Variants in SLC5A1 observed in about 807,000 individuals in gnomAD.
The protein encoded by SLC5A1 is solute carrier family 5 member 1.
In SLC5A1, 42 loss-of-function variants were observed where a neutral mutation model predicts 73.5. The ratio of observed to expected loss-of-function variants is 0.57; its 90% CI spans 0.45 to 0.74. The LOEUF (loss-of-function observed/expected upper bound fraction) is 0.74, where lower values mean the gene tolerates loss of function less well. Ranked by LOEUF, SLC5A1 falls within the 30% of genes least tolerant of loss-of-function variation. The pLI, the probability that SLC5A1 is intolerant of heterozygous loss-of-function variation, is 0.00. For synonymous variants in SLC5A1, 300 were observed against 317.4 expected, an observed-to-expected ratio of 0.95 and a Z score of 0.58; for missense variants, 634 against 855.4, an observed-to-expected ratio of 0.74 and a Z score of 3.23.
intron 2 of SLC5A1, among the ~76,000 whole-genome samples, chr22:32,051,512 T>G (rs541908686): frequency 3.3e-5 from 5 of 152,124 alleles, no homozygotes; most frequent in African/African-American, 1.2e-4. Flanking sequence ...AAAAACTAGC[T>G]GGGCGTGGTG....
At chr22:32,073,230 GC>G (rs1223806160) in intron 5 of SLC5A1, among the ~76,000 whole-genome samples, 1 of 152,176 alleles carries the variant, frequency 6.6e-6, no homozygotes, top group African/African-American at 2.4e-5. Flanking sequence ...ATGGCCATGT[GC>G]CACCATGCCC....
Position 32,083,516 on chromosome 22 carries a change from C to T in SLC5A1, c.664+362C>T, listed in dbSNP as rs148031026. Among the ~76,000 whole-genome samples the T allele has an allele frequency of 3.9e-5, 6 of 152,298 alleles. No individual in the cohort carries two copies. In the East Asian group the frequency reaches 7.7e-4, roughly 20 times the overall value. On this transcript the variant is annotated intron_variant, in intron 7 of 14. Transcript: ENST00000266088. Reference sequence around the variant, plus strand: ...TCAAGCTAAATCTAGTCAAATGTTGCGTCTTCCATCTTAGGCTATATCTTA... The same window carrying T: ...TCAAGCTAAATCTAGTCAAATGTTGTGTCTTCCATCTTAGGCTATATCTTA...
At chr22:32,053,296 A>AT (rs1215702819) in intron 2 of SLC5A1, among the ~76,000 whole-genome samples, 1 of 151,014 alleles carries the variant, frequency 6.6e-6, no homozygotes, top group Non-Finnish European at 1.5e-5. Flanking sequence ...CCTATTACTC[A>AT]TTCTCCTTTT....
intron 14 of SLC5A1, among the ~76,000 whole-genome samples, chr22:32,105,425 C>T (rs2094043925): frequency 6.6e-6 from 1 of 151,768 alleles, no homozygotes; most frequent in Admixed American, 6.6e-5. Context: ...TCCTGAGTAG[C>T]TGGGAATACA....
intron 5 of SLC5A1, among the ~76,000 whole-genome samples, chr22:32,072,955 C>T (rs1356358839): frequency 6.6e-6 from 1 of 152,152 alleles, no homozygotes; most frequent in Non-Finnish European, 1.5e-5. Flanking sequence ...AGATATATGA[C>T]TTGCAAAAAT....
At chr22:32,097,938 A>G (rs1406595689) in intron 11 of SLC5A1, among the ~76,000 whole-genome samples, 1 of 152,260 alleles carries the variant, frequency 6.6e-6, no homozygotes, top group Admixed American at 6.5e-5. Flanking sequence ...AACAGCCAAA[A>G]GACTAACAAA....
intron 5 of SLC5A1, among the ~76,000 whole-genome samples, chr22:32,080,329 C>T (rs1041064085): frequency 2.6e-5 from 4 of 152,074 alleles, no homozygotes; most frequent in Non-Finnish European, 4.4e-5. Context: ...GGAAGGAGGT[C>T]GAATCACCCT....
intron 14 of SLC5A1, among the ~76,000 whole-genome samples, chr22:32,106,486 T>C (rs1436895100): frequency 6.6e-6 from 1 of 152,144 alleles, no homozygotes; most frequent in Non-Finnish European, 1.5e-5. Flanking sequence ...ATTTGAGGAA[T>C]GGCCAGGGAT....
rs1414100767 is a variant in SLC5A1, at chr22:32,112,866, G to A, written c.*2653G>A. 1 of 152,156 alleles carries A rather than the reference G, an allele frequency of 6.6e-6. No homozygotes were observed. The highest frequency in any genetic ancestry group is 2.4e-5 in the African/African-American group (1 of 41,426). 9.4% of individuals were successfully genotyped at this position (152,156 alleles called of 1,614,324 possible). The stretch of plus-strand genomic sequence containing the variant: ...AACATATACTTGAAAATTGCTGAGA[G>A]TAGTGTGAGTGTTCTACCACAAAAA... On this transcript the variant is annotated 3_prime_UTR_variant, in exon 15 of 15. Transcript: ENST00000266088.
chr22:32,060,630 G>C (rs950897647), intron 2 of SLC5A1, among the ~76,000 whole-genome samples: 1 of 152,132 alleles, frequency 6.6e-6, no homozygotes, highest in African/African-American at 2.4e-5. Context: ...CAGTGCAGCA[G>C]CATGATTACA....
chr22:32,086,392 C>T, intron 10 of SLC5A1, 65 bp downstream of exon 10: 1 of 1,053,350 alleles, frequency 9.5e-7, no homozygotes, highest in South Asian at 1.3e-5. Flanking sequence ...TTAGGCACCA[C>T]CTACATTCCT....
intron 5 of SLC5A1, among the ~76,000 whole-genome samples, chr22:32,074,503 CT>C (rs769378529): frequency 6.2e-4 from 94 of 152,246 alleles, no homozygotes; most frequent in Non-Finnish European, 1.2e-3. Context: ...CTCACGTTCC[CT>C]TTCTCTTCTT....
In SLC5A1 at chr22:32,073,992, G is replaced by A. The variant is rs557529003; in HGVS notation, c.477+5392G>A. Among the ~76,000 whole-genome samples, 17 of 152,300 alleles carry A rather than the reference G, an allele frequency of 1.1e-4. No homozygotes were observed. The South Asian group carries it at 3.5e-3, about 32-fold the overall frequency. On this transcript the variant is annotated intron_variant, in intron 5 of 14. Transcript: ENST00000266088. The stretch of plus-strand genomic sequence containing the variant: ...AATCGGGCTTTGGCTTCCTGAGAAA[G>A]GGCAGTGTGTCTGTCTAAGAAGAGA...
chr22:32,086,709 T>C (rs2094008982), intron 10 of SLC5A1, among the ~76,000 whole-genome samples: 1 of 152,120 alleles, frequency 6.6e-6, no homozygotes, highest in Non-Finnish European at 1.5e-5. Context: ...AAATTAAAAA[T>C]AGAACTACCA....
intron 10 of SLC5A1, among the ~76,000 whole-genome samples, chr22:32,090,299 C>T (rs2094015063): frequency 6.6e-6 from 1 of 152,026 alleles, no homozygotes; most frequent in African/African-American, 2.4e-5. Flanking sequence ...GCAGTCTCTC[C>T]CTATTTCACC....
chr22:32,056,789 C>A (rs16989809), intron 2 of SLC5A1, among the ~76,000 whole-genome samples: 1,792 of 152,286 alleles, frequency 0.012, 51 homozygotes, highest in African/African-American at 0.041. Flanking sequence ...CTGAAATTAG[C>A]TGACTGCATT....
intron 14 of SLC5A1, among the ~76,000 whole-genome samples, chr22:32,105,672 T>G (rs762973323): frequency 2.6e-5 from 4 of 152,212 alleles, no homozygotes; most frequent in Non-Finnish European, 5.9e-5. Context: ...AATAGTAGGT[T>G]AGTCATTCTT....
chr22:32,066,495 T>C (rs910609865), intron 2 of SLC5A1, among the ~76,000 whole-genome samples: 4 of 152,124 alleles, frequency 2.6e-5, no homozygotes, highest in Non-Finnish European at 4.4e-5. Context: ...CTCAAGAAAA[T>C]TGTCAGTGTT....
At chr22:32,047,462 T>C (rs1465493046) in intron 1 of SLC5A1, among the ~76,000 whole-genome samples, 2 of 152,090 alleles carry the variant, frequency 1.3e-5, no homozygotes, top group Non-Finnish European at 2.9e-5. Context: ...TCCTTGGGAA[T>C]TTTTTCTGTT....
Sources: allele counts gnomAD v4.1 joint callset (sites outside exome capture counted in the v4.1 genomes callset), GRCh38; gene constraint gnomAD v4.1.1; transcripts MANE v1.5; gene names NCBI Gene and HGNC (gene_info 2026-07-23, HGNC 2026-07-21).